The following DKK3 variants were observed in gnomAD, a reference collection of about 807,000 sequenced individuals.
The protein encoded by DKK3 is dickkopf-related protein 3.
In DKK3, 22 loss-of-function variants were observed where a neutral mutation model predicts 33.2. The ratio of observed to expected loss-of-function variants is 0.66; its 90% confidence interval spans 0.47 to 0.95. DKK3 has a LOEUF of 0.95. DKK3 is among the 40% of genes least tolerant of loss of function. The pLI is 0.00. For synonymous variants in DKK3, 194 were observed against 188.8 expected, an observed-to-expected ratio of 1.03 and a Z score of -0.23; for missense variants, 398 against 458.4, an observed-to-expected ratio of 0.87 and a Z score of 1.20.
chr11:11,966,674 G>A (rs1321491366), intron 5 of DKK3, among the ~76,000 whole-genome samples: 5 of 152,124 alleles, frequency 3.3e-5, no homozygotes. Flanking sequence ...ATAAGGAGTG[G>A]TGGGAGGGAG....
chr11:11,966,650 G>A (rs7479970), intron 5 of DKK3, among the ~76,000 whole-genome samples: 45,594 of 151,940 alleles, frequency 0.3, 8,760 homozygotes, highest in African/African-American at 0.52. Flanking sequence ...TTCACAGGTA[G>A]AGGAACCTGG....
intron 3 of DKK3, chr11:11,994,475 C>T (rs1564920646): frequency 6.6e-6 from 1 of 152,194 alleles, no homozygotes; most frequent in African/African-American, 2.4e-5. Flanking sequence ...GGGACTCAGC[C>T]ACCACCCTAG....
intron 1 of DKK3, among the ~76,000 whole-genome samples, chr11:12,003,747 T>A (rs2172470): frequency 0.044 from 6,634 of 150,436 alleles, 211 homozygotes; most frequent in East Asian, 0.089. Flanking sequence ...TTTTTTTTTT[T>A]AAAAAAAGAA....
intron 3 of DKK3, among the ~76,000 whole-genome samples, chr11:11,994,125 C>T (rs985916202): frequency 7.9e-5 from 12 of 152,158 alleles, no homozygotes; most frequent in Admixed American, 6.5e-4. Flanking sequence ...AGAGGAAAGA[C>T]GCCTGTGCCT....
chr11:12,001,828 T>C (rs777242414), intron 2 of DKK3: 2 of 152,478 alleles, frequency 1.3e-5, no homozygotes, highest in Admixed American at 6.5e-5. Context: ...TTTGTAGCAA[T>C]AGAGGGTTTC....
intron 3 of DKK3, chr11:11,968,774 G>A (rs1847659919): frequency 3.3e-6 from 1 of 301,088 alleles, no homozygotes. Flanking sequence ...ACCCAGGGCG[G>A]GAGCACAGGG....
chr11:11,966,199 A>AT (rs1847590546), intron 5 of DKK3, among the ~76,000 whole-genome samples: 2 of 152,146 alleles, frequency 1.3e-5, no homozygotes, highest in Non-Finnish European at 2.9e-5. Context: ...CTTCTGCTGG[A>AT]TTTTGAGGGC....
Position 11,967,020 on chromosome 11 carries a change from T to C in DKK3, c.607A>G (p.Ser203Gly). 1 of 1,614,086 alleles carries C rather than the reference T, an allele frequency of 6.2e-7. No homozygotes were observed. The highest frequency in any genetic ancestry group is 8.5e-7 in the Non-Finnish European group (1 of 1,180,030). Residue 203 changes from serine to glycine, a missense_variant, in exon 5 of 7, where the codon AGC (serine) becomes GGC (glycine). By Grantham distance (56) the Ser-to-Gly change is moderately conservative (BLOSUM62 0). Transcript: ENST00000683431. ...GHCTKMATRGSNGTICDNQRD... is the reference protein window; with the variant it reads ...GHCTKMATRGGNGTICDNQRD... ...TGGTTGTCACAGATGGTCCCATTGCTGCCCCTGGTGGCCATTTTGGTGCAG... is the reference window on the plus strand; with the variant it reads ...TGGTTGTCACAGATGGTCCCATTGCCGCCCCTGGTGGCCATTTTGGTGCAG...
chr11:12,000,106 G>T (rs1248501097), intron 2 of DKK3, among the ~76,000 whole-genome samples: 1 of 152,180 alleles, frequency 6.6e-6, no homozygotes, highest in African/African-American at 2.4e-5. Flanking sequence ...TCCAGAAGAA[G>T]AATATAAGTT....
intron 2 of DKK3, among the ~76,000 whole-genome samples, chr11:11,999,600 C>T (rs1234983648): frequency 2.6e-5 from 4 of 152,080 alleles, no homozygotes; most frequent in African/African-American, 7.2e-5. Flanking sequence ...ACTACTCCAG[C>T]CTGGGCGATA....
intron 4 of DKK3, 87 bp from the exon 5 acceptor site, chr11:11,967,185 C>G (rs1847618554): frequency 6.7e-7 from 1 of 1,484,424 alleles, no homozygotes; most frequent in Non-Finnish European, 9.1e-7. Context: ...CACAGATAGG[C>G]CAACCTGCAT....
chr11:11,990,596 T>C (rs1166890093), intron 3 of DKK3, among the ~76,000 whole-genome samples: 1 of 152,194 alleles, frequency 6.6e-6, no homozygotes, highest in African/African-American at 2.4e-5. Flanking sequence ...GCAGGATATG[T>C]TCCTAACTCA....
chr11:11,975,055 G>A (rs1847803037), intron 3 of DKK3, among the ~76,000 whole-genome samples: 1 of 152,172 alleles, frequency 6.6e-6, no homozygotes. Flanking sequence ...CTCTCAGAAG[G>A]AAACAATCCT....
At chr11:11,994,398 C>A (rs1848248810) in intron 3 of DKK3, among the ~76,000 whole-genome samples, 1 of 152,074 alleles carries the variant, frequency 6.6e-6, no homozygotes, top group African/African-American at 2.4e-5. Context: ...CCGAGGTCTG[C>A]ATCTCACCTT....
chr11:11,983,010 G>A (rs145761871), intron 3 of DKK3, among the ~76,000 whole-genome samples: 1,629 of 152,332 alleles, frequency 0.011, 20 homozygotes, highest in Middle Eastern at 0.02. Context: ...GGACAGGGTG[G>A]AAGCGCATGC....
intron 1 of DKK3, among the ~76,000 whole-genome samples, chr11:12,004,861 GGGTAGCTAGAAGCA>G (rs1848504852): frequency 6.6e-6 from 1 of 152,214 alleles, no homozygotes; most frequent in Admixed American, 6.5e-5. Context: ...TGAAGGGAAT[GGGTAGCTAGAAGCA>G]GGAAGAGCAA....
In DKK3 at chr11:11,998,728, A is replaced by G; in HGVS notation, c.403T>C (p.Ser135Pro). ...QMVFSETVIT[S>P]VGDEEGRRSH... ...CTTCTGCCTTCTTCGTCTCCCACAG[A>G]TGTGATAACTGTCTCTGAAAAGACC... The change falls in exon 3 of 7, where the codon TCT becomes CCT. Residue 135 changes from serine to proline, a missense_variant. By Grantham distance (74) the Ser-to-Pro change is moderately conservative. Transcript: ENST00000683431. 6.2e-7 allele frequency: 1 copy of G among 1,614,208 alleles called. No individual in the cohort carries two copies. The highest frequency in any genetic ancestry group is 8.5e-7 in the Non-Finnish European group (1 of 1,180,040).
chr11:11,991,416 T>C (rs1192395749), intron 3 of DKK3, among the ~76,000 whole-genome samples: 1 of 152,138 alleles, frequency 6.6e-6, no homozygotes, highest in Admixed American at 6.5e-5. Flanking sequence ...TTAGTTCCCA[T>C]GTGTTCTGAT....
upstream of DKK3, chr11:12,009,150 C>CCCG (rs1195396430): frequency 2.0e-6 from 2 of 985,270 alleles, no homozygotes; most frequent in East Asian, 2.3e-4. Context: ...CGTCCCCTCC[C>CCCG]CCGCCGCCGC....
Sources: gnomAD v4.1 joint callset for allele counts (sites outside exome capture counted in the v4.1 genomes callset) on GRCh38, gnomAD v4.1.1 for gene constraint, MANE v1.5 for transcripts, NCBI Gene and HGNC (gene_info 2026-07-23, HGNC 2026-07-21) for gene names.